Variants in ADAMTS12 observed in about 807,000 individuals in gnomAD.
ADAMTS12 encodes ADAM metallopeptidase with thrombospondin type 1 motif 12.
A neutral mutation model predicts 167.8 loss-of-function variants in ADAMTS12; 118 were observed. The ratio of observed to expected loss-of-function variants is 0.70; its 90% CI spans 0.61 to 0.82. The LOEUF is 0.82. Ranked by LOEUF, ADAMTS12 falls within the 40% of genes least tolerant of loss-of-function variation. The pLI is 0.00. For missense variants in ADAMTS12, 1,916 were observed against 1,998.8 expected, an observed-to-expected ratio of 0.96 and a Z score of 0.79; for synonymous variants, 704 against 716.9, an observed-to-expected ratio of 0.98 and a Z score of 0.29.
At chr5:33,820,246 T>A (rs1458036583) in intron 2 of ADAMTS12, among the ~76,000 whole-genome samples, 4 of 152,174 alleles carry the variant, frequency 2.6e-5, no homozygotes, top group African/African-American at 9.7e-5. Flanking sequence ...ATACTAGGAT[T>A]TTGCTCTTTG....
chr5:33,680,674 C>T (rs888869867), intron 5 of ADAMTS12, among the ~76,000 whole-genome samples: 15 of 152,022 alleles, frequency 9.9e-5, no homozygotes, highest in Non-Finnish European at 1.8e-4. Context: ...ACAATGAGCA[C>T]ATGTTCAAGA....
intron 14 of ADAMTS12, among the ~76,000 whole-genome samples, chr5:33,623,601 G>A (rs192508191): frequency 6.6e-6 from 1 of 152,246 alleles, no homozygotes; most frequent in Non-Finnish European, 1.5e-5. Context: ...TATGGGAAAA[G>A]AATAGTAAAG....
At chr5:33,721,091 G>C (rs1743789323) in intron 3 of ADAMTS12, among the ~76,000 whole-genome samples, 1 of 152,162 alleles carries the variant, frequency 6.6e-6, no homozygotes, top group Admixed American at 6.5e-5. Context: ...ACTCGCCAAT[G>C]TAATGTGACA....
At chr5:33,783,744 G>C (rs946084802) in intron 2 of ADAMTS12, among the ~76,000 whole-genome samples, 4 of 151,790 alleles carry the variant, frequency 2.6e-5, no homozygotes, top group Non-Finnish European at 4.4e-5. Context: ...GAAAAACCCA[G>C]GTTCAGTGGC....
At position 33,860,404 on chromosome 5, in the gene ADAMTS12, A is replaced by G. The variant is rs757832720; in HGVS notation, c.489+20715T>C. 9.2e-5 allele frequency among the ~76,000 whole-genome samples: 14 copies of G among 152,330 alleles called. 1 individual carries two copies. Among genetic ancestry groups the G allele is most frequent in the Non-Finnish European group, 1.8e-4 (12 of 68,032 alleles). The stretch of plus-strand genomic sequence containing the variant: ...ATAACCAAATCAATCAAGTGGAAGA[A>G]AGGATATCAGAGATTGAAGATCAAC... On this transcript the variant is annotated intron_variant, in intron 2 of 23. Coordinates refer to ENST00000504830, the MANE Select transcript of ADAMTS12 (RefSeq NM_030955.4).
intron 19 of ADAMTS12, among the ~76,000 whole-genome samples, chr5:33,569,921 G>A (rs901006905): frequency 3.3e-5 from 5 of 152,248 alleles, no homozygotes; most frequent in African/African-American, 1.2e-4. Context: ...GGAGCTGAAA[G>A]CCAAGGCTCA....
At chr5:33,767,939 A>G (rs1428406690) in intron 2 of ADAMTS12, among the ~76,000 whole-genome samples, 2 of 152,240 alleles carry the variant, frequency 1.3e-5, no homozygotes, top group Non-Finnish European at 2.9e-5. Context: ...GAAATTGGAA[A>G]TTGCATGAAA....
chr5:33,827,912 T>C (rs767507973), intron 2 of ADAMTS12, among the ~76,000 whole-genome samples: 1 of 152,190 alleles, frequency 6.6e-6, no homozygotes, highest in Non-Finnish European at 1.5e-5. Flanking sequence ...TCCTTCTAAC[T>C]GCTACAAAAT....
At chr5:33,555,253 A>AC (rs1745437601) in intron 20 of ADAMTS12, among the ~76,000 whole-genome samples, 1 of 151,198 alleles carries the variant, frequency 6.6e-6, no homozygotes, top group Non-Finnish European at 1.5e-5. Context: ...CTCCCATATG[A>AC]TTTTTTTTTA....
intron 2 of ADAMTS12, among the ~76,000 whole-genome samples, chr5:33,816,324 T>A (rs1747652320): frequency 6.6e-6 from 1 of 152,202 alleles, no homozygotes; most frequent in South Asian, 2.1e-4. Flanking sequence ...TTTGTGATAA[T>A]ATTTTAAATG....
At chr5:33,529,912 CAG>C (rs1297333728) in intron 23 of ADAMTS12, among the ~76,000 whole-genome samples, 2 of 152,070 alleles carry the variant, frequency 1.3e-5, no homozygotes, top group Admixed American at 6.6e-5. Flanking sequence ...TTGGGAGTTT[CAG>C]AGAGAGAGTA....
chr5:33,722,229 T>C (rs1330240949), intron 3 of ADAMTS12, among the ~76,000 whole-genome samples: 1 of 141,086 alleles, frequency 7.1e-6, no homozygotes, highest in Non-Finnish European at 1.5e-5. Context: ...CCGGTAATTG[T>C]TTGTTATCAG....
At chr5:33,545,335 G>A (rs957130922) in intron 22 of ADAMTS12, among the ~76,000 whole-genome samples, 10 of 152,168 alleles carry the variant, frequency 6.6e-5, no homozygotes, top group Non-Finnish European at 1.5e-4. Context: ...CAGTTAGAAT[G>A]GTGATCATTA....
chr5:33,580,196 T>C (rs1382358154), intron 18 of ADAMTS12, among the ~76,000 whole-genome samples: 1 of 152,256 alleles, frequency 6.6e-6, no homozygotes, highest in Non-Finnish European at 1.5e-5. Context: ...GTTTTCATGC[T>C]GCTATAAAGA....
chr5:33,735,028 C>T (rs781709257), intron 3 of ADAMTS12, among the ~76,000 whole-genome samples: 17 of 152,142 alleles, frequency 1.1e-4, no homozygotes, highest in Non-Finnish European at 2.1e-4. Context: ...TAATAAAATG[C>T]TTTTTTAAAT....
intron 3 of ADAMTS12, among the ~76,000 whole-genome samples, chr5:33,686,465 C>T (rs1388134126): frequency 3.3e-5 from 5 of 152,148 alleles, no homozygotes; most frequent in Admixed American, 2.6e-4. Context: ...TGTTTCTTTA[C>T]TTCTTCTTTA....
chr5:33,635,843 A>G (rs2112158818), intron 12 of ADAMTS12, among the ~76,000 whole-genome samples: 1 of 152,324 alleles, frequency 6.6e-6, no homozygotes, highest in Non-Finnish European at 1.5e-5. Context: ...TATTCAGGTT[A>G]GCAGATAAGT....
intron 3 of ADAMTS12, among the ~76,000 whole-genome samples, chr5:33,745,229 C>T (rs752302755): frequency 1.3e-5 from 2 of 152,150 alleles, no homozygotes; most frequent in East Asian, 1.9e-4. Flanking sequence ...CAGGATGAAG[C>T]CAGAAGGTGG....
Position 33,634,279 on chromosome 5 carries a change from G to T in ADAMTS12, c.1888+3298C>A, listed in dbSNP as rs554822458. On this transcript the variant is annotated intron_variant, in intron 12 of 23. Transcript: ENST00000504830. ...GCAGGGCTTCGTGGGCATTAGACCG[G>T]TGCTTTTACCCAGGACCTCACACTT... Among the ~76,000 whole-genome samples the T allele has an allele frequency of 1.1e-4, 17 of 152,186 alleles. No individual in the cohort carries two copies. In the South Asian group the frequency reaches 3.3e-3, roughly 30 times the overall value.
Sources: gnomAD v4.1 joint callset for allele counts (sites outside exome capture counted in the v4.1 genomes callset) on GRCh38, gnomAD v4.1.1 for gene constraint, MANE v1.5 for transcripts, NCBI Gene and HGNC (gene_info 2026-07-23, HGNC 2026-07-21) for gene names.